The following LRFN5 variants were observed in gnomAD, a reference collection of about 807,000 sequenced individuals.
The protein encoded by LRFN5 is leucine-rich repeat and fibronectin type-III domain-containing protein 5.
A neutral mutation model predicts 45.6 loss-of-function variants in LRFN5; 24 were observed. The ratio of observed to expected loss-of-function variants is 0.53; its 90% CI spans 0.38 to 0.74. LRFN5 has a LOEUF of 0.74. Ranked by LOEUF, LRFN5 falls within the 30% of genes least tolerant of loss-of-function variation. The pLI is 0.00. For missense variants in LRFN5, 776 were observed against 861.5 expected, an observed-to-expected ratio of 0.90 and a Z score of 1.24; for synonymous variants, 340 against 313.8, an observed-to-expected ratio of 1.08 and a Z score of -0.88.
intron 1 of LRFN5, among the ~76,000 whole-genome samples, chr14:41,722,703 G>A (rs1484239607): frequency 6.6e-6 from 1 of 152,016 alleles, no homozygotes; most frequent in African/African-American, 2.4e-5. Context: ...GGGCTGTGCA[G>A]TTCATCCTAC....
intron 2 of LRFN5, among the ~76,000 whole-genome samples, chr14:41,829,177 C>G (rs945625097): frequency 1.3e-5 from 2 of 151,848 alleles, no homozygotes; most frequent in Non-Finnish European, 2.9e-5. Context: ...TATTTGTCAC[C>G]TCCACCTCCA....
At chr14:41,892,372 AG>A in intron 4 of LRFN5, 2 of 985,132 alleles carry the variant, frequency 2.0e-6, no homozygotes, top group Non-Finnish European at 2.4e-6. Flanking sequence ...AAAATGGATA[AG>A]GGAAAAAGCA....
At chr14:41,662,774 C>T (rs1013694945) in intron 1 of LRFN5, among the ~76,000 whole-genome samples, 1 of 152,072 alleles carries the variant, frequency 6.6e-6, no homozygotes, top group Admixed American at 6.6e-5. Context: ...ACAACTGCTT[C>T]ACTTCTGCTT....
At chr14:41,679,627 C>T (rs1028339080) in intron 1 of LRFN5, among the ~76,000 whole-genome samples, 4 of 152,200 alleles carry the variant, frequency 2.6e-5, no homozygotes, top group Non-Finnish European at 4.4e-5. Flanking sequence ...GTGCTTGTTA[C>T]GGCCTTCTGT....
chr14:41,790,616 T>A (rs146126652), intron 2 of LRFN5, among the ~76,000 whole-genome samples: 10 of 151,704 alleles, frequency 6.6e-5, no homozygotes, highest in Non-Finnish European at 1.2e-4. Context: ...GCAATACATA[T>A]TATCGATATG....
intron 2 of LRFN5, among the ~76,000 whole-genome samples, chr14:41,771,534 T>G (rs948594686): frequency 1.3e-5 from 2 of 152,142 alleles, no homozygotes; most frequent in Non-Finnish European, 2.9e-5. Flanking sequence ...ATTTTGCTGC[T>G]TAGAATTTTT....
chr14:41,645,111 T>C (rs1294534181), intron 1 of LRFN5, among the ~76,000 whole-genome samples: 1 of 152,160 alleles, frequency 6.6e-6, no homozygotes, highest in African/African-American at 2.4e-5. Flanking sequence ...AACTGTAAAA[T>C]GAAGTTATTA....
At chr14:41,724,976 T>G (rs1883872471) in intron 1 of LRFN5, among the ~76,000 whole-genome samples, 1 of 152,212 alleles carries the variant, frequency 6.6e-6, no homozygotes, top group Non-Finnish European at 1.5e-5. Flanking sequence ...ATCCTTTTTT[T>G]TAACAGAGCT....
chr14:41,746,397 G>C (rs779305873), intron 1 of LRFN5, among the ~76,000 whole-genome samples: 3 of 151,942 alleles, frequency 2.0e-5, no homozygotes, highest in Non-Finnish European at 4.4e-5. Context: ...ATCATACTCA[G>C]TGGGGCAAGA....
At chr14:41,764,062 T>G (rs775180471) in intron 1 of LRFN5, among the ~76,000 whole-genome samples, 1 of 152,220 alleles carries the variant, frequency 6.6e-6, no homozygotes, top group Non-Finnish European at 1.5e-5. Flanking sequence ...CTAGAAAATG[T>G]AGTATTAGAA....
At chr14:41,861,671 G>A (rs556652969) in intron 2 of LRFN5, among the ~76,000 whole-genome samples, 1 of 152,274 alleles carries the variant, frequency 6.6e-6, no homozygotes, top group South Asian at 2.1e-4. Flanking sequence ...TTTGTTGGGT[G>A]AATAGAAGGC....
intron 1 of LRFN5, among the ~76,000 whole-genome samples, chr14:41,686,165 T>C (rs1314537793): frequency 6.6e-6 from 1 of 152,034 alleles, no homozygotes; most frequent in African/African-American, 2.4e-5. Context: ...GTAGTTCTCC[T>C]TGAAGAGGCC....
At chr14:41,666,887 T>G (rs186760417) in intron 1 of LRFN5, among the ~76,000 whole-genome samples, 14 of 152,276 alleles carry the variant, frequency 9.2e-5, no homozygotes, top group African/African-American at 3.1e-4. Context: ...GACTCTTCCT[T>G]CAATTTGACC....
At chr14:41,693,996 A>G (rs909106731) in intron 1 of LRFN5, among the ~76,000 whole-genome samples, 2 of 151,574 alleles carry the variant, frequency 1.3e-5, no homozygotes, top group South Asian at 2.1e-4. Flanking sequence ...GATTTTGGCA[A>G]TTATTTTTCT....
intron 1 of LRFN5, among the ~76,000 whole-genome samples, chr14:41,706,442 A>G (rs2072880771): frequency 6.6e-6 from 1 of 151,986 alleles, no homozygotes; most frequent in Non-Finnish European, 1.5e-5. Flanking sequence ...TTTTTTTAAA[A>G]TTTTTTATTT....
At chr14:41,699,890 G>T (rs1882767844) in intron 1 of LRFN5, 1 of 152,100 alleles carries the variant, frequency 6.6e-6, no homozygotes, top group Admixed American at 6.6e-5. Context: ...CTCTTTCAAG[G>T]ATGAACAACT....
intron 2 of LRFN5, among the ~76,000 whole-genome samples, chr14:41,769,315 T>C (rs573422989): frequency 5.3e-5 from 8 of 152,302 alleles, no homozygotes; most frequent in Non-Finnish European, 1.2e-4. Context: ...ATTATGATTA[T>C]TTTTCTCACT....
chr14:41,639,865 C>G (rs1594572804), intron 1 of LRFN5, among the ~76,000 whole-genome samples: 1 of 151,880 alleles, frequency 6.6e-6, no homozygotes. Context: ...TCAATGCAGC[C>G]TTGACCTCCC....
chr14:41,896,929 A>G (rs771952996), intron 4 of LRFN5, among the ~76,000 whole-genome samples: 81 of 151,652 alleles, frequency 5.3e-4, no homozygotes, highest in Non-Finnish European at 1.0e-3. Context: ...TATCTCTACT[A>G]AAAATACAAA....
Sources: allele counts gnomAD v4.1 joint callset (sites outside exome capture counted in the v4.1 genomes callset), GRCh38; gene constraint gnomAD v4.1.1; transcripts MANE v1.5; gene names NCBI Gene and HGNC (gene_info 2026-07-23, HGNC 2026-07-21).